The following PDE10A variants were observed in gnomAD, a reference collection of about 807,000 sequenced individuals.
PDE10A encodes phosphodiesterase 10A, also known as cAMP and cAMP-inhibited cGMP 3',5'-cyclic phosphodiesterase 10A.
In PDE10A, 39 loss-of-function variants were observed where a neutral mutation model predicts 97.7. The observed-to-expected ratio is 0.40, with a 90% CI of 0.31 to 0.52. PDE10A has a LOEUF of 0.52. PDE10A is among the 20% of genes least tolerant of loss of function. The pLI is 0.56. For missense variants in PDE10A, 731 were observed against 1,047.8 expected (o/e 0.70, Z 4.17); for synonymous variants, 371 against 376.8 (o/e 0.98, Z 0.18).
At chr6:165,949,015 A>G (rs1021206428) in intron 1 of PDE10A, 4 of 152,282 alleles carry the variant, frequency 2.6e-5, no homozygotes, top group Non-Finnish European at 4.4e-5. Context: ...AGCAGCAAAC[A>G]GGAAATGGCC....
intron 1 of PDE10A, among the ~76,000 whole-genome samples, chr6:165,878,361 G>A (rs908366689): frequency 2.6e-5 from 4 of 152,266 alleles, no homozygotes; most frequent in Middle Eastern, 3.4e-3. Context: ...GCCAGAAAAC[G>A]AACTATCATC....
rs1257863851 is a variant in PDE10A, at chr6:165,628,424, G to C, written c.865+33523C>G. ...TAGAGGGCAGTGACACGATCACATA[G>C]CTCAATGTAGACTCAAACTCCTGGT... On this transcript the variant is annotated intron_variant, in intron 1 of 21. Transcript: ENST00000539869. 2.6e-5 allele frequency among the ~76,000 whole-genome samples: 4 copies of C among 152,136 alleles called. No individual in the cohort carries two copies. In the South Asian group the frequency reaches 6.2e-4, roughly 24 times the overall value.
At chr6:165,929,767 T>C (rs1306927929) in intron 1 of PDE10A, among the ~76,000 whole-genome samples, 3 of 152,224 alleles carry the variant, frequency 2.0e-5, no homozygotes, top group Admixed American at 2.0e-4. Flanking sequence ...GCACTGCAGT[T>C]GCCCATCACC....
At chr6:165,973,338 G>A (rs1252417145) in intron 1 of PDE10A, among the ~76,000 whole-genome samples, 4 of 151,932 alleles carry the variant, frequency 2.6e-5, no homozygotes, top group Admixed American at 2.0e-4. Context: ...ACTTGAACCC[G>A]GGAGGCGGAG....
intron 13 of PDE10A, among the ~76,000 whole-genome samples, chr6:165,403,301 T>C (rs982755748): frequency 6.6e-6 from 1 of 152,178 alleles, no homozygotes; most frequent in Non-Finnish European, 1.5e-5. Context: ...GTGGCAGTGG[T>C]GCACCGAACT....
chr6:165,410,694 C>G (rs60275476), intron 13 of PDE10A, among the ~76,000 whole-genome samples: 34 of 151,986 alleles, frequency 2.2e-4, no homozygotes, highest in Admixed American at 1.6e-3. Flanking sequence ...GAAGCACATG[C>G]CTGCTAACAG....
intron 1 of PDE10A, among the ~76,000 whole-genome samples, chr6:165,670,807 A>G (rs779844191): frequency 5.7e-4 from 87 of 152,202 alleles, no homozygotes; most frequent in Non-Finnish European, 1.1e-3. Flanking sequence ...CATTATCCAT[A>G]CTTTCAGTGA....
At chr6:165,593,504 T>C (rs1298239716) in intron 1 of PDE10A, among the ~76,000 whole-genome samples, 2 of 152,098 alleles carry the variant, frequency 1.3e-5, no homozygotes, top group Admixed American at 6.6e-5. Flanking sequence ...GAGTCAGTAT[T>C]CTGATATGAT....
chr6:165,343,303 A>T, intron 19 of PDE10A, 88 bp downstream of exon 19: 1 of 915,938 alleles, frequency 1.1e-6, no homozygotes, highest in Non-Finnish European at 1.8e-6. Flanking sequence ...ATAACTATCA[A>T]CATGAACAAC....
chr6:165,454,748 G>A (rs747080369), intron 3 of PDE10A, among the ~76,000 whole-genome samples: 12 of 152,024 alleles, frequency 7.9e-5, no homozygotes, highest in South Asian at 2.1e-4. Context: ...GTAGTATTCC[G>A]GTATAGCAAC....
chr6:165,418,231 CTG>C lies in PDE10A; in HGVS notation c.1796+402_1796+403del, dbSNP rs1220509350. 2.6e-5 allele frequency among the ~76,000 whole-genome samples: 4 copies of C among 152,214 alleles called. No homozygotes were observed. Among genetic ancestry groups the C allele is most frequent in the Non-Finnish European group, 4.4e-5 (3 of 68,034 alleles). On this transcript the variant is annotated intron_variant, in intron 11 of 21. Transcript: ENST00000539869. The surrounding 1 kb of genome is among the most constrained non-coding windows in gnomAD (Gnocchi z 4.8). ...AAATATACCAGATCAATTTCTACTA[CTG>C]TCTGGACTGCGAGACAGGCCACCGG... is the stretch of plus-strand genomic sequence containing the variant.
At chr6:165,737,321 G>A (rs1003509599) in intron 1 of PDE10A, among the ~76,000 whole-genome samples, 1 of 152,118 alleles carries the variant, frequency 6.6e-6, no homozygotes, top group African/African-American at 2.4e-5. Context: ...ACCAAAGTCA[G>A]ACAAGGATAC....
At chr6:165,812,547 A>G (rs547337232) in intron 1 of PDE10A, among the ~76,000 whole-genome samples, 1 of 152,332 alleles carries the variant, frequency 6.6e-6, no homozygotes, top group African/African-American at 2.4e-5. Flanking sequence ...CAATCAATCA[A>G]TGGAGCTATT....
intron 1 of PDE10A, among the ~76,000 whole-genome samples, chr6:165,619,689 G>GTAGTC (rs1562635574): frequency 2.2e-5 from 2 of 90,030 alleles, no homozygotes; most frequent in South Asian, 7.8e-4. Flanking sequence ...CTAGTGTAGT[G>GTAGTC]TAGTGTAGTC....
intron 1 of PDE10A, among the ~76,000 whole-genome samples, chr6:165,715,639 C>T (rs1792007664): frequency 6.6e-6 from 1 of 152,162 alleles, no homozygotes; most frequent in Non-Finnish European, 1.5e-5. Context: ...CACACGTGCG[C>T]ACACACACAG....
chr6:165,511,127 T>C (rs1209578513), intron 2 of PDE10A, among the ~76,000 whole-genome samples: 6 of 152,018 alleles, frequency 3.9e-5, no homozygotes, highest in African/African-American at 1.4e-4. Flanking sequence ...AGATTGTTTA[T>C]TTGAACTCCT....
At chr6:165,468,308 T>C (rs1778783981) in intron 3 of PDE10A, among the ~76,000 whole-genome samples, 1 of 151,800 alleles carries the variant, frequency 6.6e-6, no homozygotes, top group Admixed American at 6.6e-5. Context: ...CAGGCTGGTC[T>C]TGAACTCCTG....
chr6:165,907,185 A>C (rs1358552085), intron 1 of PDE10A, among the ~76,000 whole-genome samples: 1 of 152,220 alleles, frequency 6.6e-6, no homozygotes, highest in Admixed American at 6.5e-5. Flanking sequence ...CCTGGCTGCA[A>C]GGCACAAGGC....
chr6:165,964,883 G>T (rs773512971), intron 1 of PDE10A, among the ~76,000 whole-genome samples: 5 of 152,210 alleles, frequency 3.3e-5, no homozygotes, highest in African/African-American at 4.8e-5. Flanking sequence ...TTATAAAGAA[G>T]ACATGACCGT....
Sources: allele counts gnomAD v4.1 joint callset (sites outside exome capture counted in the v4.1 genomes callset), GRCh38; gene constraint gnomAD v4.1.1; non-coding constraint Gnocchi (gnomAD v3.1); transcripts MANE v1.5; gene names NCBI Gene and HGNC (gene_info 2026-07-23, HGNC 2026-07-21).